Variants in GRIN2B observed in about 807,000 individuals in gnomAD.
GRIN2B encodes the protein glutamate receptor ionotropic, NMDA 2B.
A neutral mutation model predicts 114.5 loss-of-function variants in GRIN2B; 5 were observed. The ratio of observed to expected loss-of-function variants is 0.04; its 90% CI spans 0.02 to 0.09. The LOEUF (loss-of-function observed/expected upper bound fraction) is 0.09. Among genes scored for constraint, GRIN2B ranks in the 10% least tolerant of loss-of-function variants. The pLI is 1.00. For missense variants in GRIN2B, 1,108 were observed against 1,943.5 expected (o/e 0.57, Z 8.08); for synonymous variants, 787 against 745.1 (o/e 1.06, Z -0.92).
intron 10 of GRIN2B, among the ~76,000 whole-genome samples, chr12:13,573,990 T>A (rs1425449593): frequency 6.6e-6 from 1 of 152,214 alleles, no homozygotes. Flanking sequence ...TTTGATTATT[T>A]TGAAAGGGGT....
chr12:13,853,641 A>G (rs1033070601), intron 3 of GRIN2B, among the ~76,000 whole-genome samples: 5 of 152,290 alleles, frequency 3.3e-5, no homozygotes, highest in Non-Finnish European at 7.4e-5. Flanking sequence ...CACAAATGTG[A>G]TAACTCCAGC....
intron 2 of GRIN2B, among the ~76,000 whole-genome samples, chr12:13,887,907 T>C (rs1320061731): frequency 6.6e-6 from 1 of 152,192 alleles, no homozygotes; most frequent in East Asian, 1.9e-4. Context: ...AAATATATGG[T>C]GACAATGGCT....
At chr12:13,667,555 C>G (rs1382648539) in intron 5 of GRIN2B, among the ~76,000 whole-genome samples, 3 of 152,084 alleles carry the variant, frequency 2.0e-5, no homozygotes, top group Non-Finnish European at 4.4e-5. Context: ...ATTTAACATG[C>G]ATATGAATGT....
At chr12:13,617,626 A>G (rs767554096) in intron 5 of GRIN2B, among the ~76,000 whole-genome samples, 35 of 152,232 alleles carry the variant, frequency 2.3e-4, no homozygotes, top group Non-Finnish European at 4.1e-4. Flanking sequence ...CTTATTTTCT[A>G]TAACTGAGCA....
chr12:13,797,232 G>A (rs1455640835), intron 3 of GRIN2B, among the ~76,000 whole-genome samples: 1 of 152,076 alleles, frequency 6.6e-6, no homozygotes, highest in Non-Finnish European at 1.5e-5. Context: ...GATGGAAGGG[G>A]CAAAAGTTCT....
chr12:13,782,830 G>A (rs1018657014), intron 3 of GRIN2B, among the ~76,000 whole-genome samples: 8 of 152,140 alleles, frequency 5.3e-5, no homozygotes, highest in Non-Finnish European at 1.0e-4. Flanking sequence ...CAAAGCTGCA[G>A]CCCAGCAGTG....
At chr12:13,914,453 C>A (rs1364053765) in intron 2 of GRIN2B, among the ~76,000 whole-genome samples, 1 of 152,152 alleles carries the variant, frequency 6.6e-6, no homozygotes, top group Non-Finnish European at 1.5e-5. Context: ...GAAATGGGAA[C>A]CCTCACACAC....
chr12:13,858,164 A>G lies in GRIN2B; in HGVS notation c.411+7634T>C, dbSNP rs528305490. ...GATAAAATATGTGCCTTCTAAATTC[A>G]ATGAAAACATTAAATGAGATAAAAT... On this transcript the variant is annotated intron_variant, in intron 3 of 13. Coordinates refer to ENST00000609686, the MANE Select transcript of GRIN2B (RefSeq NM_000834.5). 3.2e-4 allele frequency among the ~76,000 whole-genome samples: 48 copies of G among 152,332 alleles called. 1 individual carries two copies. Among genetic ancestry groups the G allele is most frequent in the Admixed American group, 7.8e-4 (12 of 15,304 alleles).
chr12:13,804,323 GTTTGT>G (rs1159094382), intron 3 of GRIN2B, among the ~76,000 whole-genome samples: 1 of 151,584 alleles, frequency 6.6e-6, no homozygotes, highest in African/African-American at 2.4e-5. Context: ...GAGATCAGTG[GTTTGT>G]TAGTGTTTCA....
At chr12:13,971,721 A>T (rs994998548) in intron 2 of GRIN2B, among the ~76,000 whole-genome samples, 1 of 152,298 alleles carries the variant, frequency 6.6e-6, no homozygotes, top group African/African-American at 2.4e-5. Context: ...CACCCTCAAT[A>T]AAGACTAAGT....
intron 2 of GRIN2B, among the ~76,000 whole-genome samples, chr12:13,870,263 G>C (rs1216015113): frequency 6.6e-6 from 1 of 152,180 alleles, no homozygotes; most frequent in East Asian, 1.9e-4. Flanking sequence ...CCAGTATTGG[G>C]AATCAGTGGA....
chr12:13,658,637 T>C (rs922102693), intron 5 of GRIN2B, among the ~76,000 whole-genome samples: 2 of 152,180 alleles, frequency 1.3e-5, no homozygotes, highest in Non-Finnish European at 2.9e-5. Context: ...TAAGAATTTA[T>C]ATTTGGGTAA....
In GRIN2B at chr12:13,544,649, A is replaced by G. The variant is rs1239194741; in HGVS notation, c.*18134T>C. 6.6e-6 allele frequency: 1 copy of G among 152,170 alleles called. No homozygotes were observed. Among genetic ancestry groups the G allele is most frequent in the African/African-American group, 2.4e-5 (1 of 41,428 alleles). 9.4% of individuals were successfully genotyped at this position (152,170 alleles called of 1,614,324 possible). ...CACTGATGGCAACTCCAAACTTTCA[A>G]TAGCTCAGGCCAAACATTCTAAGGT... is the stretch of plus-strand genomic sequence containing the variant. On this transcript the variant is annotated 3_prime_UTR_variant, in exon 14 of 14. Transcript: ENST00000609686.
chr12:13,839,697 C>G (rs1865345800), intron 3 of GRIN2B, among the ~76,000 whole-genome samples: 1 of 152,152 alleles, frequency 6.6e-6, no homozygotes, highest in Non-Finnish European at 1.5e-5. Flanking sequence ...GACTGCACGC[C>G]TCAGATTGAT....
chr12:13,947,166 C>T (rs149410624), intron 2 of GRIN2B, among the ~76,000 whole-genome samples: 130 of 152,306 alleles, frequency 8.5e-4, no homozygotes, highest in African/African-American at 2.9e-3. Context: ...TATCTGTTCT[C>T]CAGTTTGTTG....
chr12:13,657,141 G>C (rs922462939), intron 5 of GRIN2B, among the ~76,000 whole-genome samples: 2 of 152,192 alleles, frequency 1.3e-5, no homozygotes, highest in Admixed American at 6.5e-5. Context: ...ACTGCAAAGA[G>C]TCAATAAAAG....
rs1948507872 is a variant in GRIN2B, at chr12:13,559,078, A to G, written c.*3705T>C. The G allele has an allele frequency of 6.6e-6, 1 of 152,146 alleles. No homozygotes were observed. The highest frequency in any genetic ancestry group is 2.1e-4 in the South Asian group (1 of 4,832). The allele number at this position is 152,146 out of a possible 1,614,324, so 9.4% of individuals were successfully genotyped here. The stretch of plus-strand genomic sequence containing the variant: ...TTGGATGGATTGGGTGTTGTTTCAT[A>G]CCCATCTGTGATATAGATTGGGCTT... On this transcript the variant is annotated 3_prime_UTR_variant, in exon 14 of 14. Coordinates refer to ENST00000609686, the MANE Select transcript of GRIN2B (RefSeq NM_000834.5).
intron 5 of GRIN2B, among the ~76,000 whole-genome samples, chr12:13,674,967 C>T (rs566405899): frequency 6.6e-6 from 1 of 152,220 alleles, no homozygotes; most frequent in East Asian, 1.9e-4. Flanking sequence ...GACAAGAGCA[C>T]TGCAGAACAT....
Position 13,825,021 on chromosome 12 carries a change from T to C in GRIN2B, c.411+40777A>G, listed in dbSNP as rs570692179. ...TTCCTAAGGTAGAAGCTTCAGATCA[T>C]TGATTGTTTATCTTCCTTCTTTTGA... On this transcript the variant is annotated intron_variant, in intron 3 of 13. Coordinates refer to ENST00000609686, the MANE Select transcript of GRIN2B (RefSeq NM_000834.5). 7.9e-4 allele frequency among the ~76,000 whole-genome samples: 121 copies of C among 152,226 alleles called. 2 individuals carry two copies. The South Asian group carries it at 0.025, about 31-fold the overall frequency.
Sources: gnomAD v4.1 joint callset for allele counts (sites outside exome capture counted in the v4.1 genomes callset) on GRCh38, gnomAD v4.1.1 for gene constraint, MANE v1.5 for transcripts, NCBI Gene and HGNC (gene_info 2026-07-23, HGNC 2026-07-21) for gene names.